The following CD226 variants were observed in gnomAD, a reference collection of about 807,000 sequenced individuals.
CD226 encodes the protein CD226 antigen.
In CD226, 24 loss-of-function variants were observed where a neutral mutation model predicts 34.9. The observed-to-expected ratio is 0.69, with a 90% CI of 0.50 to 0.97. CD226 has a LOEUF of 0.97. Ranked by LOEUF, CD226 falls within the 50% of genes least tolerant of loss-of-function variation. The probability of loss-of-function intolerance (pLI) is 0.00; values close to 1 mark genes in which losing one functional copy is unlikely to be tolerated. For synonymous variants in CD226, 148 were observed against 147.4 expected, an observed-to-expected ratio of 1.00 and a Z score of -0.03; for missense variants, 397 against 412.7, an observed-to-expected ratio of 0.96 and a Z score of 0.33.
chr18:69,919,837 T>G (rs918134958), intron 2 of CD226, among the ~76,000 whole-genome samples: 1 of 152,050 alleles, frequency 6.6e-6, no homozygotes, highest in African/African-American at 2.4e-5. Flanking sequence ...ATAAGAAGCA[T>G]GAGTTATCCT....
intron 2 of CD226, among the ~76,000 whole-genome samples, chr18:69,922,263 T>C (rs948699628): frequency 3.9e-5 from 6 of 152,164 alleles, no homozygotes; most frequent in African/African-American, 1.4e-4. Flanking sequence ...CCTTGAGTAT[T>C]TGTTGAATGT....
Position 69,856,680 on chromosome 18 carries a change from G to T in CD226, c.*7634C>A, listed in dbSNP as rs1218732615. ...GTAGAAAAATCCCAAAATATATAGA[G>T]ATTAAACAACACATTGTAAATAATT... is the stretch of plus-strand genomic sequence containing the variant. On this transcript the variant is annotated 3_prime_UTR_variant, in exon 6 of 6. Transcript: ENST00000582621. The T allele has an allele frequency of 1.3e-5, 2 of 151,948 alleles. No individual in the cohort carries two copies. The highest frequency in any genetic ancestry group is 3.9e-4 in the East Asian group (2 of 5,192). The allele number at this position is 151,948 out of a possible 1,614,324, so 9.4% of individuals were successfully genotyped here.
intron 2 of CD226, among the ~76,000 whole-genome samples, chr18:69,924,240 T>C (rs4891791): frequency 0.92 from 140,523 of 152,142 alleles, 65,679 homozygotes; most frequent in East Asian, 1. Flanking sequence ...TCTTGAATTC[T>C]ACCTCTGAAA....
intron 2 of CD226, among the ~76,000 whole-genome samples, chr18:69,909,329 C>T (rs535504677): frequency 6.6e-6 from 1 of 152,280 alleles, no homozygotes; most frequent in East Asian, 1.9e-4. Context: ...GAGTTTGGGT[C>T]TCCATTCCCA....
chr18:69,958,590 G>A (rs1478843293), upstream of CD226, among the ~76,000 whole-genome samples: 4 of 152,062 alleles, frequency 2.6e-5, no homozygotes, highest in Non-Finnish European at 5.9e-5. Flanking sequence ...AACAGTCACC[G>A]TCTACCCACG....
At chr18:69,889,162 T>C (rs867067231) in intron 3 of CD226, among the ~76,000 whole-genome samples, 3 of 152,218 alleles carry the variant, frequency 2.0e-5, no homozygotes, top group Admixed American at 1.3e-4. Flanking sequence ...TTCATCTGGA[T>C]ACCCAGTTTC....
intron 2 of CD226, among the ~76,000 whole-genome samples, chr18:69,919,603 A>G (rs1376829970): frequency 6.6e-6 from 1 of 152,222 alleles, no homozygotes; most frequent in African/African-American, 2.4e-5. Context: ...TGCTGAAGAG[A>G]CAAAACATAA....
At chr18:69,865,965 A>G (rs1217733235) in intron 5 of CD226, among the ~76,000 whole-genome samples, 1 of 152,154 alleles carries the variant, frequency 6.6e-6, no homozygotes, top group East Asian at 1.9e-4. Context: ...CTTATTCCTC[A>G]CAGTTCTGGA....
chr18:69,902,362 C>T (rs762864889), intron 2 of CD226, among the ~76,000 whole-genome samples: 3 of 152,012 alleles, frequency 2.0e-5, no homozygotes, highest in Admixed American at 1.3e-4. Flanking sequence ...ATGTGTGCTT[C>T]GACACAATCG....
chr18:69,923,705 G>A (rs1433253555), intron 2 of CD226, among the ~76,000 whole-genome samples: 1 of 152,130 alleles, frequency 6.6e-6, no homozygotes, highest in East Asian at 1.9e-4. Context: ...TGTAATCCCA[G>A]CACTTTGGGA....
chr18:69,910,873 A>G (rs1002771055), intron 2 of CD226, among the ~76,000 whole-genome samples: 7 of 152,230 alleles, frequency 4.6e-5, no homozygotes, highest in Non-Finnish European at 1.0e-4. Flanking sequence ...AAAGAAAAGA[A>G]ACACAAGACA....
At chr18:69,909,939 G>T (rs2055303493) in intron 2 of CD226, among the ~76,000 whole-genome samples, 1 of 152,180 alleles carries the variant, frequency 6.6e-6, no homozygotes, top group African/African-American at 2.4e-5. Flanking sequence ...GTAAAGATCA[G>T]TCTATCAGTA....
rs1030633374 is a variant in CD226 at position 69,927,934 on chromosome 18, G to A, written c.382+18800C>T. 2.0e-5 allele frequency among the ~76,000 whole-genome samples: 3 copies of A among 152,256 alleles called. No homozygotes were observed. In the East Asian group the frequency reaches 5.8e-4, roughly 29 times the overall value. On this transcript the variant is annotated intron_variant, in intron 2 of 5. Coordinates refer to ENST00000582621, the MANE Select transcript of CD226 (RefSeq NM_001303618.2). ...CACATAATATGTTTACAAATAATGT[G>A]CTAATAAATATCCCTATCAAAAACT...
chr18:69,925,034 C>G (rs1314571085), intron 2 of CD226, among the ~76,000 whole-genome samples: 1 of 152,162 alleles, frequency 6.6e-6, no homozygotes, highest in African/African-American at 2.4e-5. Flanking sequence ...AATAAATAAG[C>G]CTTTGACCTA....
intron 3 of CD226, among the ~76,000 whole-genome samples, chr18:69,877,306 A>T (rs535730885): frequency 1.3e-5 from 2 of 152,282 alleles, no homozygotes; most frequent in East Asian, 3.9e-4. Context: ...ATTGCAAGGG[A>T]TACAGATGAA....
intron 2 of CD226, among the ~76,000 whole-genome samples, chr18:69,930,176 T>C (rs1365454308): frequency 6.6e-6 from 1 of 152,030 alleles, no homozygotes; most frequent in Non-Finnish European, 1.5e-5. Flanking sequence ...TTTTAAAAAA[T>C]ACAAAGAGGT....
chr18:69,924,933 A>C (rs1005245198), intron 2 of CD226, among the ~76,000 whole-genome samples: 1 of 152,234 alleles, frequency 6.6e-6, no homozygotes, highest in Non-Finnish European at 1.5e-5. Flanking sequence ...TAACAAGGAC[A>C]CTAAAGGGAT....
chr18:69,902,150 C>T (rs2055194351), intron 2 of CD226, among the ~76,000 whole-genome samples: 1 of 152,146 alleles, frequency 6.6e-6, no homozygotes, highest in South Asian at 2.1e-4. Context: ...GCCAGAACAC[C>T]ACAAATGCTA....
chr18:69,870,178 G>A (rs1367241627), intron 4 of CD226, among the ~76,000 whole-genome samples: 2 of 151,418 alleles, frequency 1.3e-5, no homozygotes, highest in Non-Finnish European at 2.9e-5. Context: ...TGTTCACAAG[G>A]AATGTAAAAA....
Sources: allele counts gnomAD v4.1 joint callset (sites outside exome capture counted in the v4.1 genomes callset), GRCh38; gene constraint gnomAD v4.1.1; transcripts MANE v1.5; gene names NCBI Gene and HGNC (gene_info 2026-07-23, HGNC 2026-07-21).